SRBD1: variants seen among roughly 807,000 people sequenced by gnomAD.
The protein encoded by SRBD1 is S1 RNA binding domain 1.
Under a neutral mutation model 115.3 loss-of-function variants are expected in SRBD1, and 88 were observed. The ratio of observed to expected loss-of-function variants is 0.76; its 90% CI spans 0.64 to 0.91. The LOEUF is 0.91. SRBD1 is among the 40% of genes least tolerant of loss of function. The probability of loss-of-function intolerance (pLI) is 0.00; values close to 1 mark genes in which losing one functional copy is unlikely to be tolerated. For synonymous variants in SRBD1, 509 were observed against 407.7 expected, an observed-to-expected ratio of 1.25 and a Z score of -2.99; for missense variants, 1,385 against 1,177.4, an observed-to-expected ratio of 1.18 and a Z score of -2.58.
intron 9 of SRBD1, among the ~76,000 whole-genome samples, chr2:45,571,735 G>C (rs1316763051): frequency 1.3e-5 from 2 of 151,818 alleles, no homozygotes; most frequent in African/African-American, 2.4e-5. Context: ...GAGCTGAAAA[G>C]TACAATGACT....
At chr2:45,413,316 A>C in intron 18 of SRBD1, 23 bp from the exon 19 acceptor site, 2 of 1,595,824 alleles carry the variant, frequency 1.3e-6, no homozygotes, top group Non-Finnish European at 1.7e-6. Flanking sequence ...AGAAAAAACC[A>C]CATTTATGAA....
intron 10 of SRBD1, among the ~76,000 whole-genome samples, chr2:45,558,741 G>C (rs963896324): frequency 1.4e-5 from 2 of 145,454 alleles, no homozygotes; most frequent in South Asian, 4.3e-4. Flanking sequence ...ACCCAGGCTG[G>C]AGTGCAATGG....
At chr2:45,511,744 A>C (rs1249229151) in intron 14 of SRBD1, among the ~76,000 whole-genome samples, 1 of 152,168 alleles carries the variant, frequency 6.6e-6, no homozygotes, top group Non-Finnish European at 1.5e-5. Flanking sequence ...TGAATTATCA[A>C]ATACTTCCCA....
intron 14 of SRBD1, among the ~76,000 whole-genome samples, chr2:45,545,827 G>A (rs2104028786): frequency 6.6e-6 from 1 of 152,238 alleles, no homozygotes; most frequent in African/African-American, 2.4e-5. Flanking sequence ...CTACACTCTT[G>A]GCACTCTTGA....
At position 45,574,618 on chromosome 2, in the gene SRBD1, G is replaced by C; in HGVS notation, c.1169+9C>G. 1 of 1,611,730 alleles carries C rather than the reference G, an allele frequency of 6.2e-7. No homozygotes were observed. The highest frequency in any genetic ancestry group is 8.5e-7 in the Non-Finnish European group (1 of 1,178,836). On this transcript the variant is annotated intron_variant, in intron 8 of 20. Coordinates refer to ENST00000263736, the MANE Select transcript of SRBD1 (RefSeq NM_018079.5). ...ATAAAGCAGAAAACTCCATAAAAGA[G>C]ATACTCACAAGTTCCGAATGAAGTC... is the stretch of plus-strand genomic sequence containing the variant.
chr2:45,414,569 ATAGT>A (rs1667715607), intron 18 of SRBD1, among the ~76,000 whole-genome samples: 4 of 149,356 alleles, frequency 2.7e-5, no homozygotes, highest in African/African-American at 7.4e-5. Flanking sequence ...GTGTACACAC[ATAGT>A]GTGTATATAG....
chr2:45,507,456 G>A (rs946043048), intron 14 of SRBD1, among the ~76,000 whole-genome samples: 3 of 152,014 alleles, frequency 2.0e-5, no homozygotes, highest in African/African-American at 2.4e-5. Flanking sequence ...GGCGGCTCAC[G>A]TCTGTAATCC....
intron 16 of SRBD1, among the ~76,000 whole-genome samples, chr2:45,428,753 G>A (rs552545631): frequency 3.0e-4 from 45 of 152,086 alleles, no homozygotes; most frequent in African/African-American, 1.0e-3. Context: ...ACAATTAAAA[G>A]AACTAGAGAA....
At chr2:45,456,464 G>T (rs1558407323) in intron 16 of SRBD1, among the ~76,000 whole-genome samples, 1 of 151,890 alleles carries the variant, frequency 6.6e-6, no homozygotes, top group Non-Finnish European at 1.5e-5. Context: ...TGGTTCTCAT[G>T]TCAAATGTTT....
chr2:45,491,264 T>C (rs1239783740), intron 14 of SRBD1, among the ~76,000 whole-genome samples: 9 of 152,198 alleles, frequency 5.9e-5, no homozygotes, highest in Non-Finnish European at 1.2e-4. Context: ...CTAATATATT[T>C]TGAAGAAAGC....
At chr2:45,457,498 G>C (rs1263780605) in intron 16 of SRBD1, among the ~76,000 whole-genome samples, 2 of 151,842 alleles carry the variant, frequency 1.3e-5, no homozygotes, top group Non-Finnish European at 2.9e-5. Context: ...CTTCCTACCT[G>C]CTCCAATTAA....
intron 19 of SRBD1, among the ~76,000 whole-genome samples, chr2:45,398,067 G>C (rs963345046): frequency 1.3e-4 from 20 of 152,270 alleles, no homozygotes; most frequent in African/African-American, 4.8e-4. Flanking sequence ...CAGATATCTA[G>C]TGAAAATAAT....
chr2:45,402,498 T>C (rs543550618), intron 19 of SRBD1, among the ~76,000 whole-genome samples: 2 of 152,324 alleles, frequency 1.3e-5, no homozygotes, highest in South Asian at 2.1e-4. Flanking sequence ...AAATCATTCC[T>C]TGACATACAT....
intron 14 of SRBD1, among the ~76,000 whole-genome samples, chr2:45,534,531 G>A (rs1331421890): frequency 6.6e-6 from 1 of 151,932 alleles, no homozygotes; most frequent in Non-Finnish European, 1.5e-5. Flanking sequence ...CATTAGGCAT[G>A]ATAATCTGGA....
At chr2:45,583,887 T>C (rs574204339) in intron 5 of SRBD1, among the ~76,000 whole-genome samples, 42 of 152,276 alleles carry the variant, frequency 2.8e-4, no homozygotes, top group African/African-American at 8.7e-4. Flanking sequence ...ACCCAGAGAA[T>C]GGAATTCTTT....
At chr2:45,516,359 C>G in intron 14 of SRBD1, among the ~76,000 whole-genome samples, 1 of 152,120 alleles carries the variant, frequency 6.6e-6, no homozygotes, top group Admixed American at 6.5e-5. Context: ...CACAAAAATC[C>G]ACATTCTGAA....
rs187560590 is a variant in SRBD1, at chr2:45,470,723, T to C, written c.2049+6270A>G. 1.5e-3 allele frequency among the ~76,000 whole-genome samples: 226 copies of C among 152,330 alleles called. 1 individual carries two copies. The highest frequency in any genetic ancestry group is 5.1e-3 in the African/African-American group (211 of 41,578). ...AACCTGCATCATCCTGCTCTCACTC[T>C]GGAGTGTTTTCTTGGGAGTAACATC... is the stretch of plus-strand genomic sequence containing the variant. On this transcript the variant is annotated intron_variant, in intron 16 of 20. Coordinates refer to ENST00000263736, the MANE Select transcript of SRBD1 (RefSeq NM_018079.5).
chr2:45,413,252 A>G lies in SRBD1; in HGVS notation c.2375T>C (p.Val792Ala), dbSNP rs1424747123. ...GACCTCAACGTCTGCTGAAGATGTC[A>G]CAGCAACTCCTTGAATTTGGCCTGA... ...ETSGQIQGVA[V>A]TSSADVEVTN... is the part of the protein sequence containing the mutation. Residue 792 changes from valine to alanine, a missense_variant, in exon 19 of 21, where the codon GTG becomes GCG. Physicochemically the swap from Val to Ala is moderately conservative, Grantham distance 64. Coordinates refer to ENST00000263736, the MANE Select transcript of SRBD1 (RefSeq NM_018079.5). 6.2e-7 allele frequency: 1 copy of G among 1,613,896 alleles called. No homozygotes were observed.
intron 14 of SRBD1, among the ~76,000 whole-genome samples, chr2:45,505,184 G>C (rs957261104): frequency 2.0e-5 from 3 of 152,112 alleles, no homozygotes; most frequent in African/African-American, 7.2e-5. Flanking sequence ...AGTTATATCT[G>C]TCTTCATCTT....
Sources: gnomAD v4.1 joint callset for allele counts (sites outside exome capture counted in the v4.1 genomes callset) on GRCh38, gnomAD v4.1.1 for gene constraint, MANE v1.5 for transcripts, NCBI Gene and HGNC (gene_info 2026-07-23, HGNC 2026-07-21) for gene names.